ASZ1: variants seen among roughly 807,000 people sequenced by gnomAD.
ASZ1 encodes the protein ankyrin repeat, SAM and basic leucine zipper domain-containing protein 1.
A neutral mutation model predicts 61.8 loss-of-function variants in ASZ1; 67 were observed. The observed-to-expected ratio is 1.08, with a 90% CI of 0.89 to 1.33. The LOEUF is 1.33. ASZ1 is among the 40% of genes most tolerant of loss of function. ASZ1 has a pLI of 0.00. For synonymous variants in ASZ1, 193 were observed against 192.7 expected, an observed-to-expected ratio of 1.00 and a Z score of -0.01; for missense variants, 577 against 554.5, an observed-to-expected ratio of 1.04 and a Z score of -0.41.
At chr7:117,414,557 C>A (rs1489617946) in intron 4 of ASZ1, among the ~76,000 whole-genome samples, 1 of 152,028 alleles carries the variant, frequency 6.6e-6, no homozygotes, top group Non-Finnish European at 1.5e-5. Flanking sequence ...CATTGGTATA[C>A]ACGTGCCATG....
At chr7:117,378,394 C>T (rs1447342240) in intron 10 of ASZ1, among the ~76,000 whole-genome samples, 1 of 151,992 alleles carries the variant, frequency 6.6e-6, no homozygotes, top group Non-Finnish European at 1.5e-5. Context: ...AATTTCACCA[C>T]AAAAAGTACA....
rs905342013 is a variant in ASZ1 at position 117,384,606 on chromosome 7, T to C, written c.687+120A>G. ...TGGAGGAAAGATACATATTTAAACA[T>C]TTAATAATTGCCAGATACACTATAA... On this transcript the variant is annotated intron_variant, in intron 6 of 12. Transcript: ENST00000284629. The C allele has an allele frequency of 4.2e-6, 5 of 1,188,806 alleles. No homozygotes were observed. The African/African-American group carries it at 8.0e-5, about 19-fold the overall frequency. The allele number at this position is 1,188,806 out of a possible 1,614,324, so 73.6% of individuals were successfully genotyped here.
At chr7:117,399,911 G>A (rs932051620) in intron 4 of ASZ1, among the ~76,000 whole-genome samples, 87 of 152,180 alleles carry the variant, frequency 5.7e-4, no homozygotes, top group African/African-American at 2.0e-3. Flanking sequence ...TAAAGTTTAC[G>A]TACATGATGT....
intron 4 of ASZ1, among the ~76,000 whole-genome samples, chr7:117,417,187 T>TA (rs200992263): frequency 0.082 from 12,199 of 148,356 alleles, 1,588 homozygotes; most frequent in African/African-American, 0.28. Context: ...CCGTATTAGT[T>TA]AAAAAAAAAA....
At chr7:117,379,402 A>G (rs1796209163) in intron 10 of ASZ1, among the ~76,000 whole-genome samples, 1 of 151,590 alleles carries the variant, frequency 6.6e-6, no homozygotes, top group African/African-American at 2.4e-5. Context: ...ATTGCTCTAT[A>G]ATGTATTAAT....
intron 4 of ASZ1, among the ~76,000 whole-genome samples, chr7:117,389,954 G>A (rs985555518): frequency 2.0e-5 from 3 of 152,186 alleles, no homozygotes; most frequent in South Asian, 4.2e-4. Context: ...TAGCTCTGAC[G>A]GATAAGTGAG....
rs561983723 is a variant in ASZ1 at position 117,412,039 on chromosome 7, A to AGTGTGTATGTATGTGT, written c.440+8123_440+8124insACACATACATACACAC. On this transcript the variant is annotated intron_variant, in intron 4 of 12. Coordinates refer to ENST00000284629, the MANE Select transcript of ASZ1 (RefSeq NM_130768.3). ...GAAAGATCCCAAACAAGTGAAAAGA[A>AGTGTGTATGTATGTGT]GTGTGTGTGTGTGTGTGTGTGTGTG... Among the ~76,000 whole-genome samples the AGTGTGTATGTATGTGT allele has an allele frequency of 2.4e-4, 31 of 128,442 alleles. No homozygotes were observed. The East Asian group carries it at 3.9e-3, about 16-fold the overall frequency. 84.3% of individuals were successfully genotyped at this position (128,442 alleles called of 152,430 possible). A position where few individuals can be genotyped will look rare whatever the true frequency, so the allele number is the denominator to read the frequency against.
rs755967803 is a variant in ASZ1, at chr7:117,427,373, G to A, written c.88C>T (p.Leu30Phe). Residue 30 changes from leucine (L) to phenylalanine (F), a missense_variant, in exon 1 of 13, where the codon CTC (leucine) becomes TTC (phenylalanine). Physicochemically the swap from Leu to Phe is conservative, Grantham distance 22. Coordinates refer to ENST00000284629, the MANE Select transcript of ASZ1 (RefSeq NM_130768.3). ...TCCGCTACCTGAGACGTCCGGTCGA[G>A]ATACCCAATCTCCCAGCCATCATCC... ...SEDDGWEIGY[L>F]DRTSQKLKRL... 3.1e-6 allele frequency: 5 copies of A among 1,614,206 alleles called. No individual in the cohort carries two copies. Among genetic ancestry groups the A allele is most frequent in the South Asian group, 1.1e-5 (1 of 91,090 alleles).
intron 12 of ASZ1, among the ~76,000 whole-genome samples, chr7:117,366,477 C>A (rs1047645079): frequency 2.0e-5 from 3 of 151,994 alleles, no homozygotes; most frequent in African/African-American, 7.2e-5. Flanking sequence ...GCTTTATAGA[C>A]ATCAAATTTA....
At chr7:117,367,557 T>C in intron 11 of ASZ1, 92 bp from the exon 12 acceptor site, 2 of 1,216,048 alleles carry the variant, frequency 1.6e-6, no homozygotes, top group Non-Finnish European at 2.1e-6. Flanking sequence ...TCTTAAACAT[T>C]AGATTACATA....
chr7:117,401,392 T>A (rs1175019010), intron 4 of ASZ1, among the ~76,000 whole-genome samples: 1 of 150,328 alleles, frequency 6.7e-6, no homozygotes, highest in African/African-American at 2.5e-5. Flanking sequence ...TTTTTTTTTT[T>A]TTAAAAAAAA....
chr7:117,365,676 G>A (rs565573438), intron 12 of ASZ1, among the ~76,000 whole-genome samples: 3 of 152,234 alleles, frequency 2.0e-5, no homozygotes, highest in Admixed American at 2.0e-4. Context: ...GTTTAAGTAG[G>A]ATCAGTTCCT....
intron 4 of ASZ1, among the ~76,000 whole-genome samples, chr7:117,391,189 A>T (rs1433336939): frequency 6.8e-6 from 1 of 146,564 alleles, no homozygotes; most frequent in East Asian, 2.0e-4. Flanking sequence ...TATTTTTCTT[A>T]TCGATTTAAG....
In ASZ1 at chr7:117,393,264, C is replaced by T. The variant is rs140454922; in HGVS notation, c.441-7455G>A. 5.9e-3 allele frequency among the ~76,000 whole-genome samples: 896 copies of T among 152,136 alleles called. 15 individuals carry two copies. Among genetic ancestry groups the T allele is most frequent in the African/African-American group, 0.019 (783 of 41,510 alleles). On this transcript the variant is annotated intron_variant, in intron 4 of 12. Transcript: ENST00000284629. ...TAAAGTCAGAATTCTAGGTAAATAT[C>T]AATTAGATACTCTTGTTGATTGTGT...
In ASZ1 at chr7:117,427,431, T is replaced by C. The variant is rs755779418; in HGVS notation, c.30A>G (p.Pro10=). Residue 10 remains proline (P), a synonymous_variant, in exon 1 of 13, where the codon CCA becomes CCG. Transcript: ENST00000284629. Reference sequence around the variant, plus strand: ...CGCTACTCTCGCCTCCGCCAGCCACTGGCAGGCCTCGCAGCGCGCTCGCCG... The same window carrying C: ...CGCTACTCTCGCCTCCGCCAGCCACCGGCAGGCCTCGCAGCGCGCTCGCCG... MAASALRGL[P]VAGGGESSES... 33 of 1,613,950 alleles carry C rather than the reference T, an allele frequency of 2.0e-5. No homozygotes were observed. In the South Asian group the frequency reaches 3.4e-4, roughly 17 times the overall value.
chr7:117,402,177 T>C (rs1433061100), intron 4 of ASZ1, among the ~76,000 whole-genome samples: 2 of 152,190 alleles, frequency 1.3e-5, no homozygotes, highest in Non-Finnish European at 2.9e-5. Flanking sequence ...TGTCCTTCAG[T>C]TGTCAAACAG....
chr7:117,421,381 A>AT (rs935024422), intron 3 of ASZ1, among the ~76,000 whole-genome samples: 7 of 151,876 alleles, frequency 4.6e-5, no homozygotes, highest in African/African-American at 1.5e-4. Flanking sequence ...CCTGGCTAAT[A>AT]TTTTTTTATT....
chr7:117,386,308 T>C (rs546437367), intron 4 of ASZ1, among the ~76,000 whole-genome samples: 1 of 152,360 alleles, frequency 6.6e-6, no homozygotes, highest in South Asian at 2.1e-4. Flanking sequence ...AGTCTGAGAC[T>C]GAAAGAATTT....
chr7:117,414,045 A>G (rs987313523), intron 4 of ASZ1, among the ~76,000 whole-genome samples: 3 of 152,156 alleles, frequency 2.0e-5, no homozygotes, highest in African/African-American at 7.2e-5. Flanking sequence ...AATATGGCAC[A>G]ATGAGACTGA....
Sources: gnomAD v4.1 joint callset for allele counts (sites outside exome capture counted in the v4.1 genomes callset) on GRCh38, gnomAD v4.1.1 for gene constraint, MANE v1.5 for transcripts, NCBI Gene and HGNC (gene_info 2026-07-23, HGNC 2026-07-21) for gene names.